CSMD1: variants seen among roughly 807,000 people sequenced by gnomAD.
The protein encoded by CSMD1 is CUB and sushi domain-containing protein 1.
In CSMD1, 213 loss-of-function variants were observed where a neutral mutation model predicts 417.5. That is an observed-to-expected ratio of 0.51 (90% confidence interval 0.46 to 0.57). The LOEUF (loss-of-function observed/expected upper bound fraction) is 0.57. Ranked by LOEUF, CSMD1 falls within the 20% of genes least tolerant of loss-of-function variation. The probability of loss-of-function intolerance (pLI) is 0.00; values close to 1 mark genes in which losing one functional copy is unlikely to be tolerated. For synonymous variants in CSMD1, 2,862 were observed against 1,736.8 expected, an observed-to-expected ratio of 1.65 and a Z score of -16.11; for missense variants, 6,923 against 4,529.7, an observed-to-expected ratio of 1.53 and a Z score of -15.17.
intron 3 of CSMD1, among the ~76,000 whole-genome samples, chr8:4,315,287 C>A (rs765036297): frequency 6.6e-6 from 1 of 152,122 alleles, no homozygotes; most frequent in Non-Finnish European, 1.5e-5. Context: ...AGACAGTATG[C>A]GAGGAGACCC....
intron 15 of CSMD1, among the ~76,000 whole-genome samples, chr8:3,404,356 A>T (rs1812224871): frequency 7.5e-6 from 1 of 134,032 alleles, no homozygotes; most frequent in African/African-American, 2.8e-5. Flanking sequence ...AAAAAAAAAA[A>T]TTGCGTTTCT....
intron 3 of CSMD1, among the ~76,000 whole-genome samples, chr8:4,393,181 G>A (rs561855605): frequency 6.6e-6 from 1 of 151,940 alleles, no homozygotes; most frequent in Non-Finnish European, 1.5e-5. Context: ...TCACCATGTT[G>A]CCCAGGATGG....
chr8:4,139,023 C>T (rs1263674255), intron 3 of CSMD1, among the ~76,000 whole-genome samples: 1 of 151,946 alleles, frequency 6.6e-6, no homozygotes, highest in African/African-American at 2.4e-5. Flanking sequence ...AGGACATATG[C>T]TGCATGTTTC....
At chr8:4,048,535 A>T (rs1376802268) in intron 3 of CSMD1, among the ~76,000 whole-genome samples, 1 of 152,232 alleles carries the variant, frequency 6.6e-6, no homozygotes, top group Non-Finnish European at 1.5e-5. Flanking sequence ...TCAGGTTTAT[A>T]AACCAAGTAA....
chr8:4,234,997 G>T (rs991320695), intron 3 of CSMD1, among the ~76,000 whole-genome samples: 7 of 152,138 alleles, frequency 4.6e-5, no homozygotes, highest in African/African-American at 1.4e-4. Context: ...TATCCCAAAA[G>T]CTCTAAATAC....
intron 26 of CSMD1, among the ~76,000 whole-genome samples, chr8:3,273,220 AT>A (rs1168348120): frequency 6.6e-6 from 1 of 150,870 alleles, no homozygotes; most frequent in East Asian, 1.9e-4. Context: ...TTCTGTTTAT[AT>A]GCTGGATTAC....
intron 2 of CSMD1, among the ~76,000 whole-genome samples, chr8:4,620,193 G>A (rs1337705559): frequency 6.6e-6 from 1 of 151,608 alleles, no homozygotes; most frequent in Non-Finnish European, 1.5e-5. Flanking sequence ...TCAGAAAGTA[G>A]AAATTTAAGG....
In CSMD1 at chr8:3,230,160, C is replaced by G; in HGVS notation, c.4225G>C (p.Ala1409Pro). The G allele has an allele frequency of 6.2e-7, 1 of 1,613,648 alleles. No individual in the cohort carries two copies. Among genetic ancestry groups the G allele is most frequent in the Non-Finnish European group, 8.5e-7 (1 of 1,179,736 alleles). Residue 1409 changes from alanine to proline, a missense_variant, in exon 27 of 70, where the codon GCT (alanine) becomes CCT (proline). By Grantham distance (27) the Ala-to-Pro change is conservative. Transcript: ENST00000635120. ...NGTRYGDSRE[A>P]GDTVTFQCDP... ...CACTGGAATGTGACGGTGTCTCCAGCCTCTCTGCTGTCTCCATAGCGGGTG... is the reference window on the plus strand; with the variant it reads ...CACTGGAATGTGACGGTGTCTCCAGGCTCTCTGCTGTCTCCATAGCGGGTG...
chr8:2,967,329 T>C (rs966342736), intron 57 of CSMD1, among the ~76,000 whole-genome samples: 2 of 152,226 alleles, frequency 1.3e-5, no homozygotes, highest in African/African-American at 4.8e-5. Context: ...ATAGCAGCTG[T>C]GTTAATTGGC....
At position 4,920,978 on chromosome 8, in the gene CSMD1, GAAA is replaced by G. The variant is rs1450905144; in HGVS notation, c.85+73351_85+73353del. Among the ~76,000 whole-genome samples the G allele has an allele frequency of 1.4e-3, 34 of 23,642 alleles. 5 individuals carry two copies. Among genetic ancestry groups the G allele is most frequent in the African/African-American group, 3.9e-3 (28 of 7,092 alleles). 15.5% of individuals were successfully genotyped at this position (23,642 alleles called of 152,430 possible). A position where few individuals can be genotyped will look rare whatever the true frequency, so the allele number is the denominator to read the frequency against. Reference sequence around the variant, plus strand: ...AGAAAGAAAGAAAGAAAGAAAGAAAGAAACAAAGAAAGAAAGAAAAGAAAGAAA... The same window carrying G: ...AGAAAGAAAGAAAGAAAGAAAGAAAGCAAAGAAAGAAAGAAAAGAAAGAAA... On this transcript the variant is annotated intron_variant, in intron 1 of 69. Coordinates refer to ENST00000635120, the MANE Select transcript of CSMD1 (RefSeq NM_033225.6).
intron 37 of CSMD1, 123 bp from the exon 38 acceptor site, chr8:3,162,400 T>C (rs2129040465): frequency 1.5e-6 from 1 of 660,540 alleles, no homozygotes. Context: ...TTCAACTCTT[T>C]CTCTTGTTAT....
At chr8:3,202,403 A>G (rs1489145271) in intron 31 of CSMD1, among the ~76,000 whole-genome samples, 3 of 152,100 alleles carry the variant, frequency 2.0e-5, no homozygotes, top group Non-Finnish European at 2.9e-5. Context: ...GCTGTTTTCC[A>G]CTCTACAATT....
intron 1 of CSMD1, among the ~76,000 whole-genome samples, chr8:4,940,124 C>T (rs968653386): frequency 6.6e-6 from 1 of 152,142 alleles, no homozygotes; most frequent in Non-Finnish European, 1.5e-5. Flanking sequence ...GGTCTTGGCT[C>T]CCCCTGTGAG....
chr8:4,755,406 T>C (rs763085619), intron 1 of CSMD1, among the ~76,000 whole-genome samples: 7 of 152,232 alleles, frequency 4.6e-5, no homozygotes, highest in Non-Finnish European at 1.0e-4. Flanking sequence ...AATACTTGGT[T>C]CTGATGACTT....
At chr8:4,138,575 T>C (rs981159868) in intron 3 of CSMD1, among the ~76,000 whole-genome samples, 4 of 152,080 alleles carry the variant, frequency 2.6e-5, no homozygotes, top group African/African-American at 9.7e-5. Context: ...CTGGATCAGA[T>C]CCTAGATTCT....
At chr8:4,042,900 G>T (rs150910325) in intron 3 of CSMD1, among the ~76,000 whole-genome samples, 1 of 150,152 alleles carries the variant, frequency 6.7e-6, no homozygotes, top group African/African-American at 2.5e-5. Context: ...GGCTGAGGTG[G>T]GAAGATTATG....
At chr8:4,052,699 G>A (rs369403046) in intron 3 of CSMD1, among the ~76,000 whole-genome samples, 208 of 152,200 alleles carry the variant, frequency 1.4e-3, no homozygotes, top group African/African-American at 4.9e-3. Flanking sequence ...GTATATATTT[G>A]CTATTAATGT....
At chr8:4,158,617 G>A (rs1002358197) in intron 3 of CSMD1, among the ~76,000 whole-genome samples, 1 of 152,088 alleles carries the variant, frequency 6.6e-6, no homozygotes, top group Non-Finnish European at 1.5e-5. Flanking sequence ...GCCCAGAAAT[G>A]ATAATTTTCA....
At chr8:3,228,596 TA>T (rs1363802170) in intron 27 of CSMD1, among the ~76,000 whole-genome samples, 1 of 152,134 alleles carries the variant, frequency 6.6e-6, no homozygotes, top group Non-Finnish European at 1.5e-5. Flanking sequence ...CTGGTCAAAA[TA>T]AAGTAACTAA....
Sources: allele counts gnomAD v4.1 joint callset (sites outside exome capture counted in the v4.1 genomes callset), GRCh38; gene constraint gnomAD v4.1.1; transcripts MANE v1.5; gene names NCBI Gene and HGNC (gene_info 2026-07-23, HGNC 2026-07-21).